The following ATG16L1 variants were observed in gnomAD, a reference collection of about 807,000 sequenced individuals.
ATG16L1 encodes the protein autophagy-related protein 16-1.
Under a neutral mutation model 88.5 loss-of-function variants are expected in ATG16L1, and 37 were observed. The ratio of observed to expected loss-of-function variants is 0.42; its 90% confidence interval spans 0.32 to 0.55. The LOEUF (loss-of-function observed/expected upper bound fraction) is 0.55, where lower values mean the gene tolerates loss of function less well. ATG16L1 is among the 20% of genes least tolerant of loss of function. The pLI is 0.13. For synonymous variants in ATG16L1, 301 were observed against 281.0 expected, an observed-to-expected ratio of 1.07 and a Z score of -0.71; for missense variants, 554 against 752.8, an observed-to-expected ratio of 0.74 and a Z score of 3.09.
chr2:233,275,790 A>C (rs1183133026), intron 9 of ATG16L1: 3 of 518,912 alleles, frequency 5.8e-6, no homozygotes, highest in African/African-American at 3.9e-5. Context: ...GTTGCCCTCA[A>C]CTCCCAGCAG....
intron 5 of ATG16L1, among the ~76,000 whole-genome samples, chr2:233,268,123 C>T (rs892797620): frequency 1.3e-5 from 2 of 152,190 alleles, no homozygotes; most frequent in Non-Finnish European, 2.9e-5. Flanking sequence ...CCTTATGCTG[C>T]CACGTGTCCC....
At chr2:233,284,705 A>G (rs1487937238) in intron 12 of ATG16L1, among the ~76,000 whole-genome samples, 4 of 151,600 alleles carry the variant, frequency 2.6e-5, no homozygotes, top group Admixed American at 2.0e-4. Flanking sequence ...CCTGACCTCA[A>G]GTGATCCGTC....
At chr2:233,285,474 G>A (rs1699013874) in intron 12 of ATG16L1, among the ~76,000 whole-genome samples, 1 of 152,244 alleles carries the variant, frequency 6.6e-6, no homozygotes, top group Admixed American at 6.5e-5. Context: ...CTGGGGAAAT[G>A]TTCTCAGTAT....
intron 10 of ATG16L1, among the ~76,000 whole-genome samples, chr2:233,280,463 A>G (rs1012644062): frequency 2.6e-5 from 4 of 152,084 alleles, no homozygotes; most frequent in African/African-American, 9.7e-5. Flanking sequence ...GGTGAGGGAG[A>G]GCTGTGTAGA....
At chr2:233,293,121 A>G (rs78930461) in intron 16 of ATG16L1, 135 bp from the exon 17 acceptor site, 48,758 of 759,736 alleles carry the variant, frequency 0.064, 1,842 homozygotes, top group Non-Finnish European at 0.071. Flanking sequence ...CATGACTAGC[A>G]CACATTCTGA....
At chr2:233,266,934 C>CT (rs1246492808) in intron 5 of ATG16L1, among the ~76,000 whole-genome samples, 1 of 152,176 alleles carries the variant, frequency 6.6e-6, no homozygotes, top group Non-Finnish European at 1.5e-5. Context: ...AAATGTTCTC[C>CT]TAGAGATACA....
chr2:233,273,119 C>A, intron 7 of ATG16L1, 67 bp downstream of exon 7: 2 of 1,358,424 alleles, frequency 1.5e-6, no homozygotes, highest in Non-Finnish European at 2.1e-6. Flanking sequence ...CATCTGTGGA[C>A]ATGACAAAGA....
intron 16 of ATG16L1, 77 bp from the exon 17 acceptor site, chr2:233,293,179 C>T (rs1699579839): frequency 7.8e-7 from 1 of 1,280,164 alleles, no homozygotes. Flanking sequence ...AACATTCCTT[C>T]TTGGGAAAAA....
rs143250434 is a variant in ATG16L1 at position 233,293,885 on chromosome 2, C to G, written c.1731-372C>G. On this transcript the variant is annotated intron_variant, in intron 17 of 17. Coordinates refer to ENST00000392017, the MANE Select transcript of ATG16L1 (RefSeq NM_030803.7). ...TTCCTTCAGAACCTCTCTCCCTGTCCTTGGGCAGCAGCAACTGCTCCCAGA... is the reference window on the plus strand; with the variant it reads ...TTCCTTCAGAACCTCTCTCCCTGTCGTTGGGCAGCAGCAACTGCTCCCAGA... Among the ~76,000 whole-genome samples, 204 of 152,304 alleles carry G rather than the reference C, an allele frequency of 1.3e-3. 3 individuals are homozygous for G. Among genetic ancestry groups the G allele is most frequent in the African/African-American group, 4.5e-3 (189 of 41,558 alleles).
At position 233,293,438 on chromosome 2, in the gene ATG16L1, C is replaced by A. The variant is rs1374078755; in HGVS notation, c.1730+81C>A. ...CATCTCAGGGGTCATCCGGTTTAGA[C>A]CTCAGTCGGCGCTGTGAGGGCACTG... On this transcript the variant is annotated intron_variant, in intron 17 of 17. Transcript: ENST00000392017. 9.9e-6 allele frequency: 13 copies of A among 1,311,346 alleles called. No homozygotes were observed. In the East Asian group the frequency reaches 2.5e-4, roughly 26 times the overall value. 81.2% of individuals were successfully genotyped at this position (1,311,346 alleles called of 1,614,324 possible).
rs544576280 is a variant in ATG16L1 at position 233,280,810 on chromosome 2, T to C, written c.1061-295T>C. ...AGTTTGATTGACATGGTTTATAAATTCCTACACTTTGTTTTTCTAAAGAGA... is the reference window on the plus strand; with the variant it reads ...AGTTTGATTGACATGGTTTATAAATCCCTACACTTTGTTTTTCTAAAGAGA... On this transcript the variant is annotated intron_variant, in intron 10 of 17. Transcript: ENST00000392017. Among the ~76,000 whole-genome samples the C allele has an allele frequency of 1.8e-4, 28 of 152,332 alleles. No individual in the cohort carries two copies. The South Asian group carries it at 5.8e-3, about 32-fold the overall frequency.
At chr2:233,264,161 GC>G in intron 4 of ATG16L1, 96 bp downstream of exon 4, 1 of 1,204,860 alleles carries the variant, frequency 8.3e-7, no homozygotes, top group Non-Finnish European at 1.2e-6. Context: ...GCAGTGAGTG[GC>G]CACAGTGCAC....
chr2:233,287,590 A>G (rs1436197281), intron 12 of ATG16L1, among the ~76,000 whole-genome samples: 1 of 152,214 alleles, frequency 6.6e-6, no homozygotes, highest in Non-Finnish European at 1.5e-5. Flanking sequence ...TCAGAATTTA[A>G]TGTAAGGCCG....
intron 8 of ATG16L1, chr2:233,274,391 T>C (rs536398287): frequency 1.6e-5 from 7 of 433,514 alleles, no homozygotes; most frequent in South Asian, 4.3e-5. Context: ...CAGCAGCTTA[T>C]TGACTGGGTA....
intron 2 of ATG16L1, among the ~76,000 whole-genome samples, chr2:233,261,247 T>G (rs1168232666): frequency 1.3e-5 from 2 of 152,150 alleles, no homozygotes; most frequent in Admixed American, 6.5e-5. Context: ...GAGCCACCGC[T>G]CCCGGCCTGT....
intron 16 of ATG16L1, 140 bp from the exon 17 acceptor site, chr2:233,293,116 C>T: frequency 5.4e-6 from 4 of 741,260 alleles, no homozygotes; most frequent in East Asian, 2.7e-5. Flanking sequence ...AGGGCCATGA[C>T]TAGCACACAT....
chr2:233,261,145 C>T (rs1038955576), intron 2 of ATG16L1, among the ~76,000 whole-genome samples: 2 of 152,030 alleles, frequency 1.3e-5, no homozygotes, highest in Admixed American at 1.3e-4. Context: ...TTAGTAGAGA[C>T]GGGATTTCAC....
intron 12 of ATG16L1, 79 bp from the exon 13 acceptor site, chr2:233,289,775 A>T: frequency 6.4e-7 from 1 of 1,571,312 alleles, no homozygotes; most frequent in Non-Finnish European, 8.7e-7. Context: ...CTCTGGAGGT[A>T]AGGATGCTGT....
intron 6 of ATG16L1, 68 bp downstream of exon 6, chr2:233,270,135 A>ATTT: frequency 5.9e-6 from 7 of 1,195,306 alleles, no homozygotes; most frequent in South Asian, 1.7e-5. Context: ...TTTTGTTTTT[A>ATTT]TTTTTTTTTT....
Sources: gnomAD v4.1 joint callset for allele counts (sites outside exome capture counted in the v4.1 genomes callset) on GRCh38, gnomAD v4.1.1 for gene constraint, MANE v1.5 for transcripts, NCBI Gene and HGNC (gene_info 2026-07-23, HGNC 2026-07-21) for gene names.